DDX60: variants seen among roughly 807,000 people sequenced by gnomAD.
DDX60 encodes the protein probable ATP-dependent RNA helicase DDX60.
A neutral mutation model predicts 212.8 loss-of-function variants in DDX60; 165 were observed. The ratio of observed to expected loss-of-function variants is 0.78; its 90% CI spans 0.68 to 0.88. DDX60 has a LOEUF of 0.88. DDX60 is among the 40% of genes least tolerant of loss of function. DDX60 has a pLI of 0.00. For missense variants in DDX60, 1,905 were observed against 2,003.9 expected (o/e 0.95, Z 0.94); for synonymous variants, 703 against 685.3 (o/e 1.03, Z -0.40).
At chr4:168,227,461 G>A (rs1317117974) in intron 33 of DDX60, among the ~76,000 whole-genome samples, 1 of 151,930 alleles carries the variant, frequency 6.6e-6, no homozygotes, top group Non-Finnish European at 1.5e-5. Context: ...TATTCTTAAT[G>A]AGTTTTGCTA....
chr4:168,319,022 A>G (rs184611495), upstream of DDX60, among the ~76,000 whole-genome samples: 4 of 152,234 alleles, frequency 2.6e-5, no homozygotes, highest in Admixed American at 6.5e-5. Context: ...ACAATAATGC[A>G]TATTTCAAAA....
At chr4:168,303,261 C>T (rs529214116) in intron 5 of DDX60, among the ~76,000 whole-genome samples, 1 of 149,616 alleles carries the variant, frequency 6.7e-6, no homozygotes, top group South Asian at 2.1e-4. Flanking sequence ...GAGATCACAC[C>T]ACTGCACTCC....
chr4:168,302,419 GT>G lies in DDX60; in HGVS notation c.607-4del, dbSNP rs769035429. On this transcript the variant is annotated splice_region_variant and splice_polypyrimidine_tract_variant and intron_variant, in intron 5 of 37. Transcript: ENST00000393743. ...GCATCTTTAATGTTCTGCTTATTCT[GT>G]AAAATAAAGAAAAATCAGAAAAGTT... The G allele has an allele frequency of 2.2e-6, 3 of 1,338,344 alleles. No individual in the cohort carries two copies. Among genetic ancestry groups the G allele is most frequent in the Non-Finnish European group, 2.0e-6 (2 of 1,004,274 alleles). 82.9% of individuals were successfully genotyped at this position (1,338,344 alleles called of 1,614,324 possible).
rs1732871251 is a variant in DDX60, at chr4:168,217,026, G to C, written c.5046C>G (p.Ser1682=). ...CTTCATTTTCACATAGCTCACGCAA[G>C]GAAACACTGGAAATGGGGAAAAAAA... is the stretch of plus-strand genomic sequence containing the variant. ...FALTIKSISV[S]LRELCENEDD... is the part of the protein sequence containing the mutation. Residue 1682 remains serine, a synonymous_variant, in exon 38 of 38, where the codon TCC becomes TCG. Transcript: ENST00000393743. 1 of 1,600,406 alleles carries C rather than the reference G, an allele frequency of 6.2e-7. No homozygotes were observed. Among genetic ancestry groups the C allele is most frequent in the Admixed American group, 1.7e-5 (1 of 57,290 alleles).
chr4:168,311,291 T>C lies in DDX60; in HGVS notation c.-32A>G. The C allele has an allele frequency of 1.2e-6, 2 of 1,612,198 alleles. 1 individual carries two copies. The highest frequency in any genetic ancestry group is 3.3e-5 in the Admixed American group (2 of 59,892). ...TGCTGCCTGTGCCTCCAACCTGAAC[T>C]GGCAAGTATTAAAGGTAGCAAATAC... On this transcript the variant is annotated 5_prime_UTR_variant, in exon 2 of 38. Coordinates refer to ENST00000393743, the MANE Select transcript of DDX60 (RefSeq NM_017631.6).
intron 28 of DDX60, among the ~76,000 whole-genome samples, chr4:168,249,793 G>A (rs1475314342): frequency 6.6e-6 from 1 of 152,038 alleles, no homozygotes; most frequent in African/African-American, 2.4e-5. Flanking sequence ...GCATAGCAAA[G>A]TTGCAAATGC....
At chr4:168,219,094 C>A (rs1732953286) in intron 37 of DDX60, among the ~76,000 whole-genome samples, 1 of 148,928 alleles carries the variant, frequency 6.7e-6, no homozygotes, top group African/African-American at 2.5e-5. Context: ...CCAGCCTGGG[C>A]AGCATGGTGA....
Position 168,283,537 on chromosome 4 carries a change from T to A in DDX60, c.1631A>T (p.Asn544Ile), listed in dbSNP as rs755051709. Residue 544 changes from asparagine to isoleucine, a missense_variant, in exon 13 of 38, where the codon AAT (asparagine) becomes ATT (isoleucine). Transcript: ENST00000393743. ...KYHVFQRFYG[N>I]SLETVSSKII... ...TTTCGAAGAGACTGTTTCTAATGAA[T>A]TCCCATAAAACCGTTGGAAAACATG... 6.2e-7 allele frequency: 1 copy of A among 1,613,368 alleles called. No individual in the cohort carries two copies. The highest frequency in any genetic ancestry group is 8.5e-7 in the Non-Finnish European group (1 of 1,179,562).
chr4:168,314,889 G>A (rs148654992), intron 1 of DDX60, among the ~76,000 whole-genome samples: 1 of 152,220 alleles, frequency 6.6e-6, no homozygotes, highest in East Asian at 1.9e-4. Context: ...TCTAACTACT[G>A]AGTAGAAATA....
intron 6 of DDX60, among the ~76,000 whole-genome samples, chr4:168,295,441 C>T (rs1736299794): frequency 1.3e-5 from 2 of 152,174 alleles, no homozygotes; most frequent in African/African-American, 4.8e-5. Flanking sequence ...CACTGCTGAG[C>T]GTTCAAACTG....
intron 22 of DDX60, 49 bp from the exon 23 acceptor site, chr4:168,262,836 G>T (rs183547782): frequency 2.3e-6 from 3 of 1,298,008 alleles, no homozygotes; most frequent in African/African-American, 1.5e-5. Flanking sequence ...ATTTTATGTC[G>T]TATCCTTTGC....
At chr4:168,248,397 C>T in intron 28 of DDX60, 105 bp from the exon 29 acceptor site, 1 of 744,538 alleles carries the variant, frequency 1.3e-6, no homozygotes, top group Non-Finnish European at 2.1e-6. Context: ...TCAATTAAGC[C>T]ACAATGGGAA....
intron 2 of DDX60, 30 bp downstream of exon 2, chr4:168,311,226 A>C: frequency 6.2e-7 from 1 of 1,608,250 alleles, no homozygotes; most frequent in Non-Finnish European, 8.5e-7. Flanking sequence ...ATTGTTTTAT[A>C]ATCTATAAAT....
Position 168,251,031 on chromosome 4 carries a change from T to C in DDX60, c.3781A>G (p.Ile1261Val), listed in dbSNP as rs991344468. Reference protein sequence around the residue: ...EELKALAERGIGYHHSAMSFK... With the variant: ...EELKALAERGVGYHHSAMSFK... The stretch of plus-strand genomic sequence containing the variant: ...CTCATAGCACTGTGATGATATCCAA[T>C]ACCCCTTTCTGCCAAGGCTTTCAAT... The change falls in exon 28 of 38, where the codon ATT (isoleucine) becomes GTT (valine). Residue 1261 changes from isoleucine to valine, a missense_variant. By Grantham distance (29) the Ile-to-Val change is conservative. Transcript: ENST00000393743. 12 of 1,612,588 alleles carry C rather than the reference T, an allele frequency of 7.4e-6. No homozygotes were observed. The highest frequency in any genetic ancestry group is 4.0e-5 in the African/African-American group (3 of 74,882).
At chr4:168,297,297 CGAAAGAAAGAAA>C (rs70961508) in intron 6 of DDX60, among the ~76,000 whole-genome samples, 5,821 of 67,220 alleles carry the variant, frequency 0.087, 258 homozygotes, top group East Asian at 0.11. Context: ...GAGAGAGAGA[CGAAAGAAAGAAA>C]GAAAGAAAGA....
chr4:168,287,923 CT>C (rs1294780403), intron 9 of DDX60, among the ~76,000 whole-genome samples: 1 of 152,028 alleles, frequency 6.6e-6, no homozygotes, highest in Non-Finnish European at 1.5e-5. Context: ...TTGAAATTAA[CT>C]GAAAATGCTG....
At chr4:168,264,711 A>C (rs1734767608) in intron 22 of DDX60, among the ~76,000 whole-genome samples, 1 of 152,200 alleles carries the variant, frequency 6.6e-6, no homozygotes, top group Admixed American at 6.5e-5. Context: ...GCATATGATT[A>C]ATGCCACAGC....
chr4:168,221,639 A>G, intron 36 of DDX60, 91 bp downstream of exon 36: 1 of 1,376,554 alleles, frequency 7.3e-7, no homozygotes, highest in Non-Finnish European at 9.8e-7. Context: ...TTGAAACTGT[A>G]ATGAGGTTTC....
At position 168,286,423 on chromosome 4, in the gene DDX60, G is replaced by A. The variant is rs78216251; in HGVS notation, c.1339+625C>T. Among the ~76,000 whole-genome samples the A allele has an allele frequency of 7.3e-5, 10 of 136,938 alleles. No individual in the cohort carries two copies. The South Asian group carries it at 1.0e-3, about 14-fold the overall frequency. 89.8% of individuals were successfully genotyped at this position (136,938 alleles called of 152,430 possible). A position where few individuals can be genotyped will look rare whatever the true frequency, so the allele number is the denominator to read the frequency against. On this transcript the variant is annotated intron_variant, in intron 10 of 37. Coordinates refer to ENST00000393743, the MANE Select transcript of DDX60 (RefSeq NM_017631.6). ...ACACACACACACACACACACCACACGAGATAGATAGATAGATAGATAGATA... is the reference window on the plus strand; with the variant it reads ...ACACACACACACACACACACCACACAAGATAGATAGATAGATAGATAGATA...
Sources: allele counts gnomAD v4.1 joint callset (sites outside exome capture counted in the v4.1 genomes callset), GRCh38; gene constraint gnomAD v4.1.1; transcripts MANE v1.5; gene names NCBI Gene and HGNC (gene_info 2026-07-23, HGNC 2026-07-21).